The following UNC13C variants were observed in gnomAD, a reference collection of about 807,000 sequenced individuals.
The protein encoded by UNC13C is unc-13 homolog C.
In UNC13C, 174 loss-of-function variants were observed where a neutral mutation model predicts 245.4. That is an observed-to-expected ratio of 0.71 (90% confidence interval 0.63 to 0.80). The LOEUF (loss-of-function observed/expected upper bound fraction) is 0.80. Ranked by LOEUF, UNC13C falls within the 30% of genes least tolerant of loss-of-function variation. The pLI is 0.00. For synonymous variants in UNC13C, 992 were observed against 895.1 expected, an observed-to-expected ratio of 1.11 and a Z score of -1.93; for missense variants, 2,829 against 2,602.9, an observed-to-expected ratio of 1.09 and a Z score of -1.89.
At chr15:54,151,497 G>T (rs759657045) in intron 4 of UNC13C, among the ~76,000 whole-genome samples, 2 of 152,024 alleles carry the variant, frequency 1.3e-5, no homozygotes, top group African/African-American at 4.8e-5. Flanking sequence ...CCGCCTCCTG[G>T]GCTAAAGTGA....
At chr15:54,050,815 G>C (rs1310437938) in intron 2 of UNC13C, 1 of 589,038 alleles carries the variant, frequency 1.7e-6, no homozygotes, top group Admixed American at 1.9e-5. Context: ...CAGTAGTCCA[G>C]CCTACACAGC....
intron 4 of UNC13C, among the ~76,000 whole-genome samples, chr15:54,157,341 C>G (rs751968367): frequency 1.3e-5 from 2 of 152,158 alleles, no homozygotes; most frequent in Non-Finnish European, 2.9e-5. Flanking sequence ...ACCTGTGAGT[C>G]TTAATGCTCC....
chr15:53,839,995 G>A, the UNC13C span, among the ~76,000 whole-genome samples: 1 of 151,946 alleles, frequency 6.6e-6, no homozygotes, highest in Non-Finnish European at 1.5e-5. Flanking sequence ...CCCCAATTAA[G>A]ACTCATATCT....
At chr15:54,067,845 A>G (rs1898144207) in intron 2 of UNC13C, among the ~76,000 whole-genome samples, 2 of 152,218 alleles carry the variant, frequency 1.3e-5, no homozygotes, top group African/African-American at 2.4e-5. Flanking sequence ...AGCTCAATAC[A>G]TGTGAAAATA....
chr15:54,130,259 G>T (rs1415130849), intron 2 of UNC13C, among the ~76,000 whole-genome samples: 1 of 148,584 alleles, frequency 6.7e-6, no homozygotes, highest in Non-Finnish European at 1.5e-5. Flanking sequence ...AATATGTTGA[G>T]GCTTCTTCGT....
chr15:54,450,412 G>C (rs919590850), intron 19 of UNC13C, among the ~76,000 whole-genome samples: 1 of 152,200 alleles, frequency 6.6e-6, no homozygotes, highest in Non-Finnish European at 1.5e-5. Context: ...GCTGTGGTGG[G>C]CTCCACCCAG....
chr15:54,064,390 TA>T (rs969266791), intron 2 of UNC13C, among the ~76,000 whole-genome samples: 3 of 152,146 alleles, frequency 2.0e-5, no homozygotes, highest in Non-Finnish European at 4.4e-5. Context: ...CTAGCTCACT[TA>T]AGGTCTTTCC....
At chr15:53,953,976 G>C in the UNC13C span, among the ~76,000 whole-genome samples, 1 of 152,152 alleles carries the variant, frequency 6.6e-6, no homozygotes, top group Non-Finnish European at 1.5e-5. Flanking sequence ...CCAGGTTGGG[G>C]GTGCAGGGCT....
the UNC13C span, among the ~76,000 whole-genome samples, chr15:53,880,915 G>A: frequency 6.6e-6 from 1 of 152,130 alleles, no homozygotes; most frequent in African/African-American, 2.4e-5. Flanking sequence ...GTAAGTGAGA[G>A]TCTGAATTTG....
chr15:54,483,936 C>T (rs958564997), intron 19 of UNC13C, among the ~76,000 whole-genome samples: 1 of 142,674 alleles, frequency 7.0e-6, no homozygotes, highest in Non-Finnish European at 1.5e-5. Context: ...CATACACAAA[C>T]ACACACAGTA....
At chr15:54,003,535 A>T (rs1297254522) in intron 1 of UNC13C, among the ~76,000 whole-genome samples, 1 of 152,118 alleles carries the variant, frequency 6.6e-6, no homozygotes, top group Non-Finnish European at 1.5e-5. Context: ...TTTAATTTTT[A>T]AAAAATTGTT....
At chr15:54,109,454 G>A (rs1900653773) in intron 2 of UNC13C, among the ~76,000 whole-genome samples, 1 of 148,080 alleles carries the variant, frequency 6.8e-6, no homozygotes, top group Admixed American at 6.8e-5. Flanking sequence ...CCATTCTCCT[G>A]CCTCAGCCTC....
At chr15:54,536,860 C>T (rs774955557) in intron 26 of UNC13C, among the ~76,000 whole-genome samples, 8 of 152,116 alleles carry the variant, frequency 5.3e-5, no homozygotes, top group Admixed American at 6.5e-5. Context: ...TATGACAAAC[C>T]CACAACCAAC....
At position 54,224,566 on chromosome 15, in the gene UNC13C, G is replaced by A. The variant is rs2414282; in HGVS notation, c.3072-10464G>A. Among the ~76,000 whole-genome samples, 1,096 of 152,124 alleles carry A rather than the reference G, an allele frequency of 7.2e-3. 10 individuals carry two copies. The highest frequency in any genetic ancestry group is 0.025 in the African/African-American group (1,046 of 41,508). On this transcript the variant is annotated intron_variant, in intron 4 of 32. Transcript: ENST00000260323. ...TGTTAAGGATATTTGCATCAAATTA[G>A]TGTTCATCAGGGATATTGGCCTGTG...
intron 4 of UNC13C, among the ~76,000 whole-genome samples, chr15:54,154,607 G>GT (rs1365429784): frequency 1.3e-5 from 2 of 152,050 alleles, no homozygotes; most frequent in African/African-American, 4.8e-5. Flanking sequence ...CAACATTTCC[G>GT]TTTTTTCCCC....
At chr15:54,401,203 T>G (rs2040175385) in intron 18 of UNC13C, among the ~76,000 whole-genome samples, 1 of 152,200 alleles carries the variant, frequency 6.6e-6, no homozygotes, top group Admixed American at 6.5e-5. Context: ...CTATTGAACT[T>G]TTATCATCTT....
At chr15:54,064,436 A>G (rs1297532670) in intron 2 of UNC13C, among the ~76,000 whole-genome samples, 1 of 152,188 alleles carries the variant, frequency 6.6e-6, no homozygotes, top group Non-Finnish European at 1.5e-5. Context: ...GATGCCTCAG[A>G]TTTCCACTGT....
intron 20 of UNC13C, among the ~76,000 whole-genome samples, 151 bp downstream of exon 20, chr15:54,494,885 T>A (rs1318784982): frequency 1.3e-5 from 2 of 152,046 alleles, no homozygotes; most frequent in Non-Finnish European, 2.9e-5. Context: ...AGGATTTGCA[T>A]GTCTTTGGGA....
chr15:54,370,219 T>C (rs1330097851), intron 17 of UNC13C, among the ~76,000 whole-genome samples: 1 of 152,124 alleles, frequency 6.6e-6, no homozygotes. Context: ...CGTCAAATTG[T>C]ACAGATATCC....
Sources: allele counts gnomAD v4.1 joint callset (sites outside exome capture counted in the v4.1 genomes callset), GRCh38; gene constraint gnomAD v4.1.1; transcripts MANE v1.5; gene names NCBI Gene and HGNC (gene_info 2026-07-23, HGNC 2026-07-21).